The following BCL11A variants were observed in gnomAD, a reference collection of about 807,000 sequenced individuals.
The protein encoded by BCL11A is B cell CLL/lymphoma 11A.
BCL11A carries 2 observed loss-of-function variants against 55.9 expected under a neutral mutation model. The ratio of observed to expected loss-of-function variants is 0.04; its 90% confidence interval spans 0.01 to 0.11. The LOEUF (loss-of-function observed/expected upper bound fraction) is 0.11. BCL11A is among the 10% of genes least tolerant of loss of function. The pLI, the probability that BCL11A is intolerant of heterozygous loss-of-function variation, is 1.00. For synonymous variants in BCL11A, 465 were observed against 473.4 expected (o/e 0.98, Z 0.23); for missense variants, 817 against 1,137.1 (o/e 0.72, Z 4.05).
chr2:60,539,399 T>A (rs1490189717), intron 2 of BCL11A, among the ~76,000 whole-genome samples: 1 of 152,132 alleles, frequency 6.6e-6, no homozygotes, highest in Admixed American at 6.5e-5. Flanking sequence ...CCAACCTAAC[T>A]CAATGCCATT....
At chr2:60,523,267 G>A (rs1046961489) in intron 2 of BCL11A, among the ~76,000 whole-genome samples, 1 of 152,146 alleles carries the variant, frequency 6.6e-6, no homozygotes, top group Non-Finnish European at 1.5e-5. Context: ...AGGCACAAAG[G>A]ACAGCCTGCC....
chr2:60,468,810 G>A lies in BCL11A; in HGVS notation c.409C>T (p.Leu137Phe), dbSNP rs1386615581. The A allele has an allele frequency of 6.2e-7, 1 of 1,607,204 alleles. No individual in the cohort carries two copies. The highest frequency in any genetic ancestry group is 8.5e-7 in the Non-Finnish European group (1 of 1,178,050). ...CCATGTGCAGAACGAGGGGAGGAGA[G>A]GCCCCTCCAGTGCAGAAGTTTATCT... ...IADKLLHWRGLSSPRSAHGAL... is the reference protein window; with the variant it reads ...IADKLLHWRGFSSPRSAHGAL... Residue 137 changes from leucine to phenylalanine, a missense_variant, in exon 3 of 4, where the codon CTC becomes TTC. Around this residue, in one of 4 missense-constraint regions of BCL11A, gnomAD observed 363 missense variants for 486.6 expected, o/e 0.75. Transcript: ENST00000642384.
Position 60,468,846 on chromosome 2 carries a change from C to G in BCL11A, c.386-13G>C. On this transcript the variant is annotated splice_polypyrimidine_tract_variant and intron_variant, in intron 2 of 3. Coordinates refer to ENST00000642384, the MANE Select transcript of BCL11A (RefSeq NM_022893.4). ...TGCAGAAGTTTATCTGTGAAAGAAA[C>G]CCAAAATCAAGCACTACAGCTACAA... 6.4e-7 allele frequency: 1 copy of G among 1,573,750 alleles called. No homozygotes were observed. Among genetic ancestry groups the G allele is most frequent in the Non-Finnish European group, 8.7e-7 (1 of 1,149,832 alleles).
At chr2:60,516,908 G>A (rs1668759026) in intron 2 of BCL11A, among the ~76,000 whole-genome samples, 1 of 152,176 alleles carries the variant, frequency 6.6e-6, no homozygotes, top group Admixed American at 6.5e-5. Flanking sequence ...CTAAAGAGAG[G>A]CATAGAAACA....
At chr2:60,531,076 T>C (rs571190367) in intron 2 of BCL11A, among the ~76,000 whole-genome samples, 2 of 151,976 alleles carry the variant, frequency 1.3e-5, no homozygotes, top group Non-Finnish European at 2.9e-5. Context: ...CTCTTGCCAC[T>C]AACCTCTTTT....
Position 60,459,164 on chromosome 2 carries a change from C to A in BCL11A, c.*1240G>T. 9.8e-7 allele frequency: 1 copy of A among 1,024,208 alleles called. No homozygotes were observed. Among genetic ancestry groups the A allele is most frequent in the Non-Finnish European group, 1.2e-6 (1 of 852,918 alleles). The allele number at this position is 1,024,208 out of a possible 1,614,324, so 63.4% of individuals were successfully genotyped here. A position where few individuals can be genotyped will look rare whatever the true frequency, so the allele number is the denominator to read the frequency against. ...TTTCTTCTGTTCCCCTCTGTCAAAC[C>A]TTATTGTCAGCCTCTTCCTTTCAAT... On this transcript the variant is annotated 3_prime_UTR_variant, in exon 4 of 4. Coordinates refer to ENST00000642384, the MANE Select transcript of BCL11A (RefSeq NM_022893.4).
At chr2:60,513,114 C>T (rs1218606989) in intron 2 of BCL11A, among the ~76,000 whole-genome samples, 1 of 152,074 alleles carries the variant, frequency 6.6e-6, no homozygotes, top group Non-Finnish European at 1.5e-5. Flanking sequence ...ACTCACCACC[C>T]CACTGAAATC....
At chr2:60,525,773 T>C (rs1222706622) in intron 2 of BCL11A, 3 of 152,240 alleles carry the variant, frequency 2.0e-5, no homozygotes, top group African/African-American at 7.2e-5. Context: ...GTCTCTCTGT[T>C]AACACTAAAA....
chr2:60,460,367 T>G lies in BCL11A; in HGVS notation c.*37A>C. On this transcript the variant is annotated 3_prime_UTR_variant, in exon 4 of 4. Transcript: ENST00000642384. ...GGAAGGGGAGTGGTGAAAAAGGGGG[T>G]GTCAGGTGGGAGTGAGGGAGGGGTA... is the stretch of plus-strand genomic sequence containing the variant. 6.5e-7 allele frequency: 1 copy of G among 1,543,822 alleles called. No individual in the cohort carries two copies. Among genetic ancestry groups the G allele is most frequent in the South Asian group, 1.3e-5 (1 of 79,792 alleles).
chr2:60,533,109 T>C (rs1008620725), intron 2 of BCL11A: 27 of 152,218 alleles, frequency 1.8e-4, no homozygotes, highest in Admixed American at 1.2e-3. Context: ...CAATGTAAAG[T>C]GTTATTATAG....
chr2:60,480,177 T>TG (rs1301690026), intron 2 of BCL11A, among the ~76,000 whole-genome samples: 1 of 151,962 alleles, frequency 6.6e-6, no homozygotes, highest in African/African-American at 2.4e-5. Flanking sequence ...GCCAGGGGGC[T>TG]GGGGACATGA....
chr2:60,495,143 A>G (rs1248559513), intron 2 of BCL11A, among the ~76,000 whole-genome samples: 1 of 152,228 alleles, frequency 6.6e-6, no homozygotes, highest in African/African-American at 2.4e-5. Context: ...CTCCATCACC[A>G]AGAGAGCCTT....
chr2:60,487,378 G>C (rs559362903), intron 2 of BCL11A, among the ~76,000 whole-genome samples: 2 of 152,230 alleles, frequency 1.3e-5, no homozygotes, highest in Admixed American at 6.5e-5. Flanking sequence ...AAATTCAGCA[G>C]GGGGAGCAGT....
chr2:60,511,581 C>A (rs1049345414), intron 2 of BCL11A, among the ~76,000 whole-genome samples: 3 of 151,814 alleles, frequency 2.0e-5, no homozygotes, highest in South Asian at 2.1e-4. Flanking sequence ...GTTAACAGAG[C>A]GCTAATCTGA....
chr2:60,477,103 C>G (rs1303223214), intron 2 of BCL11A, among the ~76,000 whole-genome samples: 1 of 152,168 alleles, frequency 6.6e-6, no homozygotes, highest in African/African-American at 2.4e-5. Context: ...ATTTGGACAC[C>G]TGGAAAGCCT....
chr2:60,524,073 G>A (rs1273204378), intron 2 of BCL11A, among the ~76,000 whole-genome samples: 1 of 152,188 alleles, frequency 6.6e-6, no homozygotes, highest in African/African-American at 2.4e-5. Flanking sequence ...GAAAACTGGA[G>A]GGTATCTTCA....
chr2:60,521,067 G>GCACGCACACA lies in BCL11A; in HGVS notation c.385+24903_385+24904insTGTGTGCGTG, dbSNP rs1263469378. Among the ~76,000 whole-genome samples, 84 of 117,776 alleles carry GCACGCACACA rather than the reference G, an allele frequency of 7.1e-4. 1 individual carries two copies. The highest frequency in any genetic ancestry group is 4.3e-3 in the Middle Eastern group (1 of 232). The allele number at this position is 117,776 out of a possible 152,430, so 77.3% of individuals were successfully genotyped here. ...AAAAGGAAGTGTAGCCTAGTGGTCA[G>GCACGCACACA]CACACACACACACACACACACACAC... is the stretch of plus-strand genomic sequence containing the variant. On this transcript the variant is annotated intron_variant, in intron 2 of 3. Transcript: ENST00000642384.
chr2:60,539,315 A>C (rs1669813419), intron 2 of BCL11A, among the ~76,000 whole-genome samples: 1 of 152,214 alleles, frequency 6.6e-6, no homozygotes. Context: ...TTGTAAAGGC[A>C]AATGAAGCTC....
intron 2 of BCL11A, among the ~76,000 whole-genome samples, chr2:60,481,754 G>C (rs534881599): frequency 6.6e-6 from 1 of 152,266 alleles, no homozygotes; most frequent in South Asian, 2.1e-4. Context: ...CCACAAGTGA[G>C]ATTAATTTTC....
Sources: allele counts gnomAD v4.1 joint callset (sites outside exome capture counted in the v4.1 genomes callset), GRCh38; gene constraint gnomAD v4.1.1; regional missense constraint gnomAD v4.1.1; transcripts MANE v1.5; gene names NCBI Gene and HGNC (gene_info 2026-07-23, HGNC 2026-07-21).